Variants in ZC4H2 observed in about 807,000 individuals in gnomAD.
The protein encoded by ZC4H2 is zinc finger C4H2-type containing, also known as zinc finger C4H2 domain-containing protein.
For synonymous variants in ZC4H2, 84 were observed against 66.3 expected (o/e 1.27, Z -1.30); for missense variants, 137 against 173.9 (o/e 0.79, Z 1.19).
At chrX:64,946,048 C>A (rs759169192) in intron 1 of ZC4H2, among the ~76,000 whole-genome samples, 3 of 110,901 alleles carry the variant, frequency 2.7e-5, no homozygotes, top group African/African-American at 9.9e-5. Context: ...AGCGAGATCA[C>A]TTGGCTTTCT....
chrX:65,023,089 G>A (rs1212162060), intron 1 of ZC4H2, among the ~76,000 whole-genome samples: 1 of 111,615 alleles, frequency 9.0e-6, no homozygotes, highest in Non-Finnish European at 1.9e-5. Context: ...AAGTCAGGTA[G>A]CATAATGCCT....
At chrX:65,003,902 G>C (rs1467930345) in intron 1 of ZC4H2, among the ~76,000 whole-genome samples, 1 of 109,925 alleles carries the variant, frequency 9.1e-6, no homozygotes, top group Non-Finnish European at 1.9e-5. Flanking sequence ...TTATAAACGG[G>C]ATATAACCAC....
At chrX:64,922,645 A>G (rs939376490) in intron 1 of ZC4H2, among the ~76,000 whole-genome samples, 4 of 112,390 alleles carry the variant, frequency 3.6e-5, no homozygotes, top group African/African-American at 1.3e-4. Context: ...CTGAACACAA[A>G]GAACTCCCAC....
chrX:65,022,812 G>GA (rs1397960358), intron 1 of ZC4H2, among the ~76,000 whole-genome samples: 1 of 112,021 alleles, frequency 8.9e-6, no homozygotes, highest in East Asian at 2.8e-4. Context: ...CAAACAAATG[G>GA]AAAAACATTC....
intron 1 of ZC4H2, among the ~76,000 whole-genome samples, chrX:64,928,100 TC>T (rs1444659884): frequency 8.9e-6 from 1 of 112,395 alleles, no homozygotes; most frequent in Non-Finnish European, 1.9e-5. Flanking sequence ...ATAGTTTTTT[TC>T]GCTATGCAGA....
At chrX:64,950,423 G>A (rs1297118557) in intron 1 of ZC4H2, among the ~76,000 whole-genome samples, 1 of 111,364 alleles carries the variant, frequency 9.0e-6, no homozygotes, top group East Asian at 2.8e-4. Flanking sequence ...CTGTCTCGTT[G>A]ATCTGTCTCA....
intron 1 of ZC4H2, among the ~76,000 whole-genome samples, chrX:65,026,251 G>C (rs1179198464): frequency 8.9e-6 from 1 of 112,070 alleles, no homozygotes; most frequent in Non-Finnish European, 1.9e-5. Context: ...TACAGGAAAA[G>C]GGCCATTACA....
Position 64,933,711 on chromosome X carries a change from T to A in ZC4H2, c.54-11723A>T, listed in dbSNP as rs902590415. Among the ~76,000 whole-genome samples the A allele has an allele frequency of 2.7e-5, 3 of 111,273 alleles. No homozygotes were observed. In the East Asian group the frequency reaches 8.4e-4, roughly 31 times the overall value. On this transcript the variant is annotated intron_variant, in intron 1 of 4. Coordinates refer to ENST00000374839, the MANE Select transcript of ZC4H2 (RefSeq NM_018684.4). ...GTTCTTGGTGTGTGGGCAAGTTCAC[T>A]GTTTCTTATGGGGTCAGAATGGCAG...
intron 1 of ZC4H2, among the ~76,000 whole-genome samples, chrX:64,982,390 T>C (rs1932100073): frequency 8.9e-6 from 1 of 112,035 alleles, no homozygotes; most frequent in Non-Finnish European, 1.9e-5. Context: ...AGCTGTTTAA[T>C]GATTAAATGA....
chrX:64,953,434 C>T (rs972948717), intron 1 of ZC4H2, among the ~76,000 whole-genome samples: 6 of 111,927 alleles, frequency 5.4e-5, no homozygotes. Flanking sequence ...TGACAAAGGG[C>T]TAATATCCAG....
rs187881603 is a variant in ZC4H2, at chrX:65,005,623, C to A, written c.-272+29006G>T. ...TAAAAACCCTAGAAGAAAACCTAGG[C>A]AATGCCATTCAGGACATAGGCACGG... On this transcript the variant is annotated intron_variant, in intron 1 of 4. Coordinates refer to the ZC4H2 transcript ENST00000337990. Among the ~76,000 whole-genome samples, 347 of 111,639 alleles carry A rather than the reference C, an allele frequency of 3.1e-3. 1 individual carries two copies. The highest frequency in any genetic ancestry group is 5.5e-3 in the Non-Finnish European group (294 of 53,217).
intron 1 of ZC4H2, among the ~76,000 whole-genome samples, chrX:65,022,047 CA>C (rs908894827): frequency 1.6e-4 from 18 of 111,187 alleles, no homozygotes; most frequent in Non-Finnish European, 3.0e-4. Flanking sequence ...GCCTAGCAAC[CA>C]AAAAAAGTCC....
At chrX:64,983,106 T>C (rs1223885212) in intron 1 of ZC4H2, among the ~76,000 whole-genome samples, 1 of 111,395 alleles carries the variant, frequency 9.0e-6, no homozygotes, top group Admixed American at 9.6e-5. Context: ...GCAGTATGCA[T>C]AGTGGTGAGG....
At chrX:65,007,796 G>C (rs186086663) in intron 1 of ZC4H2, among the ~76,000 whole-genome samples, 2 of 111,659 alleles carry the variant, frequency 1.8e-5, no homozygotes, top group Non-Finnish European at 3.8e-5. Context: ...CCATATACAA[G>C]AATCAAAATC....
At chrX:65,000,270 C>T (rs771079321) in intron 1 of ZC4H2, among the ~76,000 whole-genome samples, 6 of 112,032 alleles carry the variant, frequency 5.4e-5, no homozygotes, top group East Asian at 2.8e-4. Context: ...TTTGCTCTTC[C>T]GCAGCCTCTG....
chrX:64,920,063 TG>T lies in ZC4H2; in HGVS notation c.398+17del. On this transcript the variant is annotated intron_variant, in intron 3 of 4. Coordinates refer to ENST00000374839, the MANE Select transcript of ZC4H2 (RefSeq NM_018684.4). ...CGGAGGGAGGGTATGTTGTAGGGAC[TG>T]GGGGCAGGTAGCTTACTCCAAGGAA... 2 of 1,206,224 alleles carry T rather than the reference TG, an allele frequency of 1.7e-6. No individual in the cohort carries two copies. Among genetic ancestry groups the T allele is most frequent in the Non-Finnish European group, 2.2e-6 (2 of 893,152 alleles).
chrX:64,984,275 A>G (rs1358645023), intron 1 of ZC4H2, among the ~76,000 whole-genome samples: 1 of 112,252 alleles, frequency 8.9e-6, no homozygotes, highest in East Asian at 2.8e-4. Flanking sequence ...AGAAAAGCCA[A>G]TGCATTGAGA....
chrX:64,945,879 T>C (rs1361818836), intron 1 of ZC4H2, among the ~76,000 whole-genome samples: 2 of 111,111 alleles, frequency 1.8e-5, no homozygotes, highest in Admixed American at 1.9e-4. Flanking sequence ...GTTTACACTG[T>C]GTGGGGAAAA....
chrX:64,972,981 C>T (rs1039020443), intron 1 of ZC4H2, among the ~76,000 whole-genome samples: 2 of 111,756 alleles, frequency 1.8e-5, no homozygotes, highest in African/African-American at 6.5e-5. Context: ...ACTTTTGGAA[C>T]ACACACATTT....
Sources: allele counts gnomAD v4.1 joint callset (sites outside exome capture counted in the v4.1 genomes callset), GRCh38; gene constraint gnomAD v4.1.1; transcripts MANE v1.5; gene names NCBI Gene and HGNC (gene_info 2026-07-23, HGNC 2026-07-21).